Variants in TAFA2 observed in about 807,000 individuals in gnomAD.
The protein encoded by TAFA2 is chemokine-like protein TAFA-2.
A neutral mutation model predicts 18.8 loss-of-function variants in TAFA2; 7 were observed. The ratio of observed to expected loss-of-function variants is 0.37; its 90% CI spans 0.21 to 0.70. The LOEUF is 0.70. Among genes scored for constraint, TAFA2 ranks in the 30% least tolerant of loss-of-function variants. The pLI is 0.53. For synonymous variants in TAFA2, 60 were observed against 54.2 expected (o/e 1.11, Z -0.47); for missense variants, 122 against 158.1 (o/e 0.77, Z 1.23).
chr12:62,048,370 G>C (rs1283002656), intron 1 of TAFA2, among the ~76,000 whole-genome samples: 1 of 152,124 alleles, frequency 6.6e-6, no homozygotes, highest in Non-Finnish European at 1.5e-5. Flanking sequence ...ACTATCACTA[G>C]AACAGCATGG....
intron 1 of TAFA2, among the ~76,000 whole-genome samples, chr12:62,255,993 GGCACGTGGCTCATGCCTTTAATCCCA>G (rs1175358990): frequency 6.6e-6 from 1 of 152,098 alleles, no homozygotes; most frequent in Non-Finnish European, 1.5e-5. Context: ...GGATAGGCCA[GGCACGTGGCTCATGCCTTTAATCCCA>G]GCACTTTGGG....
At chr12:61,882,730 G>T (rs1454259941) in intron 1 of TAFA2, among the ~76,000 whole-genome samples, 1 of 152,056 alleles carries the variant, frequency 6.6e-6, no homozygotes, top group African/African-American at 2.4e-5. Flanking sequence ...AATACTCTAT[G>T]CTATATTTAT....
At chr12:62,247,039 T>C (rs1341456814) in intron 1 of TAFA2, among the ~76,000 whole-genome samples, 1 of 152,190 alleles carries the variant, frequency 6.6e-6, no homozygotes, top group South Asian at 2.1e-4. Context: ...TATATATGTT[T>C]TCTATATGCT....
chr12:61,954,426 TA>T, intron 1 of TAFA2, among the ~76,000 whole-genome samples: 1 of 152,166 alleles, frequency 6.6e-6, no homozygotes, highest in Non-Finnish European at 1.5e-5. Flanking sequence ...ATTTGTAATA[TA>T]AAAATATAAT....
intron 1 of TAFA2, among the ~76,000 whole-genome samples, chr12:62,258,020 C>T (rs1442562317): frequency 6.6e-6 from 1 of 152,034 alleles, no homozygotes; most frequent in Non-Finnish European, 1.5e-5. Flanking sequence ...TGAAGTTTAC[C>T]CAAACTTTCC....
chr12:61,898,643 A>G (rs1875961322), intron 1 of TAFA2, among the ~76,000 whole-genome samples: 2 of 150,752 alleles, frequency 1.3e-5, no homozygotes, highest in African/African-American at 2.4e-5. Context: ...TGCAAGGCAC[A>G]GAGCAGAGGG....
At chr12:61,788,237 C>G (rs1169833585) in intron 2 of TAFA2, among the ~76,000 whole-genome samples, 1 of 151,654 alleles carries the variant, frequency 6.6e-6, no homozygotes, top group African/African-American at 2.4e-5. Flanking sequence ...GAGAGACAGA[C>G]TGCAACACAA....
intron 1 of TAFA2, among the ~76,000 whole-genome samples, chr12:61,914,856 A>G (rs938779274): frequency 6.6e-6 from 1 of 152,160 alleles, no homozygotes; most frequent in Non-Finnish European, 1.5e-5. Flanking sequence ...TATTTTATAT[A>G]TGTAGTAGAA....
At chr12:62,132,288 C>T (rs1032801902) in intron 1 of TAFA2, among the ~76,000 whole-genome samples, 2 of 119,328 alleles carry the variant, frequency 1.7e-5, no homozygotes, top group African/African-American at 3.2e-5. Context: ...AAGAAAGGCC[C>T]ACAGTTAGCA....
intron 1 of TAFA2, among the ~76,000 whole-genome samples, chr12:62,106,091 G>A (rs1175276012): frequency 6.6e-6 from 1 of 152,056 alleles, no homozygotes; most frequent in African/African-American, 2.4e-5. Context: ...CCAGCACTTA[G>A]GGAGGCCAAG....
At chr12:61,845,801 CT>C (rs1239931746) in intron 2 of TAFA2, among the ~76,000 whole-genome samples, 1 of 152,054 alleles carries the variant, frequency 6.6e-6, no homozygotes, top group Non-Finnish European at 1.5e-5. Flanking sequence ...GTTACTAACA[CT>C]CATATAAATG....
At chr12:61,759,845 T>G (rs1360619427) in intron 2 of TAFA2, among the ~76,000 whole-genome samples, 1 of 152,004 alleles carries the variant, frequency 6.6e-6, no homozygotes, top group Non-Finnish European at 1.5e-5. Flanking sequence ...AATGGGATAA[T>G]GACATTGGGT....
At chr12:61,867,106 A>G (rs956674644) in intron 2 of TAFA2, among the ~76,000 whole-genome samples, 1 of 152,084 alleles carries the variant, frequency 6.6e-6, no homozygotes, top group Non-Finnish European at 1.5e-5. Context: ...TTCTTTGAAC[A>G]CTATTTACAG....
At chr12:62,115,828 A>G (rs1009083608) in intron 1 of TAFA2, among the ~76,000 whole-genome samples, 1 of 152,158 alleles carries the variant, frequency 6.6e-6, no homozygotes, top group East Asian at 1.9e-4. Context: ...GCAGGTGATT[A>G]CACGGTGTTC....
At chr12:62,127,500 C>G (rs1381706439) in intron 1 of TAFA2, among the ~76,000 whole-genome samples, 1 of 151,954 alleles carries the variant, frequency 6.6e-6, no homozygotes, top group African/African-American at 2.4e-5. Flanking sequence ...GTGACAAAAT[C>G]CATTATAATT....
chr12:61,934,723 G>A (rs1161573387), intron 1 of TAFA2, among the ~76,000 whole-genome samples: 1 of 152,190 alleles, frequency 6.6e-6, no homozygotes, highest in Non-Finnish European at 1.5e-5. Flanking sequence ...TTCAAACACT[G>A]AGCAGAGTGA....
intron 1 of TAFA2, among the ~76,000 whole-genome samples, chr12:62,200,681 T>C (rs1177969902): frequency 6.6e-6 from 1 of 152,226 alleles, no homozygotes; most frequent in Non-Finnish European, 1.5e-5. Flanking sequence ...TGAAGTCAGG[T>C]AGTGTGATGC....
chr12:61,960,775 C>CG (rs540029948), intron 1 of TAFA2, among the ~76,000 whole-genome samples: 1 of 145,680 alleles, frequency 6.9e-6, no homozygotes, highest in Non-Finnish European at 1.5e-5. Context: ...CCTATTTCAC[C>CG]AAAAAAAAAA....
chr12:62,186,741 A>G (rs1034795190), intron 1 of TAFA2, among the ~76,000 whole-genome samples: 3 of 152,186 alleles, frequency 2.0e-5, no homozygotes, highest in African/African-American at 7.2e-5. Flanking sequence ...ATATAAACAT[A>G]TAAGCTCTGA....
Sources: allele counts gnomAD v4.1 joint callset (sites outside exome capture counted in the v4.1 genomes callset), GRCh38; gene constraint gnomAD v4.1.1; transcripts MANE v1.5; gene names NCBI Gene and HGNC (gene_info 2026-07-23, HGNC 2026-07-21).